NAAA: variants seen among roughly 807,000 people sequenced by gnomAD.
The protein encoded by NAAA is N-acylethanolamine-hydrolyzing acid amidase.
A neutral mutation model predicts 44.8 loss-of-function variants in NAAA; 39 were observed. That is an observed-to-expected ratio of 0.87 (90% confidence interval 0.67 to 1.14). The LOEUF is 1.14. NAAA is among the 50% of genes most tolerant of loss of function. The pLI, the probability that NAAA is intolerant of heterozygous loss-of-function variation, is 0.00. For missense variants in NAAA, 460 were observed against 467.8 expected (o/e 0.98, Z 0.15); for synonymous variants, 178 against 191.3 (o/e 0.93, Z 0.58).
chr4:75,939,801 C>G, intron 2 of NAAA, 200 bp downstream of exon 2: 1 of 593,676 alleles, frequency 1.7e-6, no homozygotes, highest in Non-Finnish European at 3.0e-6. Context: ...AGTGTTGAAT[C>G]GGAGAATCTG....
At chr4:75,921,185 T>C (rs1376100442) in intron 5 of NAAA, 62 bp from the exon 6 acceptor site, 9 of 1,456,384 alleles carry the variant, frequency 6.2e-6, no homozygotes, top group Non-Finnish European at 7.4e-6. Flanking sequence ...CACCAGATGA[T>C]GCAAAAATGA....
At chr4:75,937,945 T>TG (rs1372592663) in intron 2 of NAAA, among the ~76,000 whole-genome samples, 1 of 152,216 alleles carries the variant, frequency 6.6e-6, no homozygotes, top group East Asian at 1.9e-4. Context: ...GCCCAAATGT[T>TG]GTAGTGTGAT....
intron 2 of NAAA, among the ~76,000 whole-genome samples, chr4:75,939,352 A>G (rs1359892179): frequency 6.6e-6 from 1 of 152,056 alleles, no homozygotes; most frequent in Non-Finnish European, 1.5e-5. Context: ...AGTTAACTAA[A>G]GGGTCCAGAT....
intron 2 of NAAA, 123 bp downstream of exon 2, chr4:75,939,878 A>T: frequency 9.1e-7 from 1 of 1,104,300 alleles, no homozygotes; most frequent in Non-Finnish European, 1.3e-6. Flanking sequence ...GAAGCGCTGG[A>T]GGTTTCTAGG....
rs746288094 is a variant in NAAA, at chr4:75,919,979, T to G, written c.903-4A>C. ...AAGGGCCTTGATGGCAGATGTTCTG[T>G]AAGGACAAAGGTCGAAGGTCACTTG... On this transcript the variant is annotated splice_region_variant and splice_polypyrimidine_tract_variant and intron_variant, in intron 7 of 10. Coordinates refer to ENST00000286733, the MANE Select transcript of NAAA (RefSeq NM_014435.4). The G allele has an allele frequency of 6.2e-7, 1 of 1,613,556 alleles. No individual in the cohort carries two copies. Among genetic ancestry groups the G allele is most frequent in the South Asian group, 1.1e-5 (1 of 91,028 alleles).
chr4:75,928,851 G>A (rs535588964), intron 4 of NAAA, among the ~76,000 whole-genome samples: 5 of 150,752 alleles, frequency 3.3e-5, no homozygotes, highest in South Asian at 2.1e-4. Flanking sequence ...GCAGTGGCGC[G>A]ATCTCGGCTC....
intron 4 of NAAA, among the ~76,000 whole-genome samples, chr4:75,930,986 T>C (rs905844848): frequency 3.6e-4 from 55 of 152,036 alleles, no homozygotes; most frequent in Middle Eastern, 3.2e-3. Context: ...CCACCCCACC[T>C]CCTCCTTCAC....
chr4:75,915,624 G>A (rs2149241101), intron 9 of NAAA, among the ~76,000 whole-genome samples: 1 of 152,228 alleles, frequency 6.6e-6, no homozygotes, highest in African/African-American at 2.4e-5. Flanking sequence ...AGAATTACAG[G>A]GTCCTGGGTA....
chr4:75,930,673 C>T lies in NAAA; in HGVS notation c.589+541G>A, dbSNP rs910103452. On this transcript the variant is annotated intron_variant, in intron 4 of 10. Coordinates refer to ENST00000286733, the MANE Select transcript of NAAA (RefSeq NM_014435.4). Reference sequence around the variant, plus strand: ...TAATAGTTAAAAATATAAATCACATCTGTTCACTCCCTGGCCTACAATCCC... The same window carrying T: ...TAATAGTTAAAAATATAAATCACATTTGTTCACTCCCTGGCCTACAATCCC... Among the ~76,000 whole-genome samples, 15 of 152,184 alleles carry T rather than the reference C, an allele frequency of 9.9e-5. 1 individual carries two copies. Among genetic ancestry groups the T allele is most frequent in the African/African-American group, 3.6e-4 (15 of 41,454 alleles).
intron 4 of NAAA, among the ~76,000 whole-genome samples, chr4:75,929,315 A>AC (rs1727025742): frequency 6.6e-6 from 1 of 151,690 alleles, no homozygotes; most frequent in Non-Finnish European, 1.5e-5. Flanking sequence ...CATTGCTGGC[A>AC]CCCCCCATAA....
In NAAA at chr4:75,933,076, C is replaced by T. The variant is rs188964947; in HGVS notation, c.499-1772G>A. Among the ~76,000 whole-genome samples, 104 of 145,722 alleles carry T rather than the reference C, an allele frequency of 7.1e-4. 1 individual carries two copies. Among genetic ancestry groups the T allele is most frequent in the African/African-American group, 2.5e-3 (99 of 39,398 alleles). ...CTTGAACCCAGGAGGTAGAGGTTGC[C>T]GTGAGCCAAGATTGCACCATTGCAC... On this transcript the variant is annotated intron_variant, in intron 3 of 10. Coordinates refer to ENST00000286733, the MANE Select transcript of NAAA (RefSeq NM_014435.4).
rs1578043542 is a variant in NAAA, at chr4:75,919,990, G to A, written c.903-15C>T. The A allele has an allele frequency of 1.9e-6, 3 of 1,611,726 alleles. No individual in the cohort carries two copies. The highest frequency in any genetic ancestry group is 1.1e-5 in the South Asian group (1 of 90,970). On this transcript the variant is annotated splice_polypyrimidine_tract_variant and intron_variant, in intron 7 of 10. Coordinates refer to ENST00000286733, the MANE Select transcript of NAAA (RefSeq NM_014435.4). ...TGGCAGATGTTCTGTAAGGACAAAGGTCGAAGGTCACTTGGCATTTCAACA... is the reference window on the plus strand; with the variant it reads ...TGGCAGATGTTCTGTAAGGACAAAGATCGAAGGTCACTTGGCATTTCAACA...
intron 4 of NAAA, among the ~76,000 whole-genome samples, chr4:75,927,633 G>GGCC (rs1726832277): frequency 1.0e-5 from 1 of 95,820 alleles, no homozygotes; most frequent in Non-Finnish European, 1.9e-5. Flanking sequence ...AATTTTTAAT[G>GGCC]CCCCCCCCCC....
chr4:75,937,438 A>C (rs980497873), intron 2 of NAAA, among the ~76,000 whole-genome samples: 1 of 152,144 alleles, frequency 6.6e-6, no homozygotes, highest in Non-Finnish European at 1.5e-5. Context: ...TAAATAAAAT[A>C]AAATAAAGAC....
intron 8 of NAAA, among the ~76,000 whole-genome samples, chr4:75,919,189 A>T (rs940434073): frequency 6.6e-5 from 10 of 151,868 alleles, no homozygotes; most frequent in Non-Finnish European, 1.3e-4. Flanking sequence ...TTATAGGCAC[A>T]CACCACCAAG....
intron 2 of NAAA, among the ~76,000 whole-genome samples, chr4:75,937,351 G>A (rs889513294): frequency 1.3e-4 from 20 of 152,302 alleles, no homozygotes; most frequent in African/African-American, 4.3e-4. Context: ...CCAGGGAGGC[G>A]GAGGTTGCGA....
chr4:75,928,120 C>T (rs980813389), intron 4 of NAAA, among the ~76,000 whole-genome samples: 1 of 152,154 alleles, frequency 6.6e-6, no homozygotes, highest in Non-Finnish European at 1.5e-5. Flanking sequence ...AAACTTTGTA[C>T]CCTTTGACCA....
chr4:75,941,004 G>A lies in NAAA; in HGVS notation c.-55C>T, dbSNP rs1362817878. On this transcript the variant is annotated 5_prime_UTR_variant, in exon 1 of 11. Coordinates refer to ENST00000286733, the MANE Select transcript of NAAA (RefSeq NM_014435.4). ...GACCTGCAGCCGCTGTCGGAGCCCG[G>A]GTAAGCCGTGGAGGAGGAGGAGCTG... is the stretch of plus-strand genomic sequence containing the variant. 3.5e-6 allele frequency: 5 copies of A among 1,415,354 alleles called. No individual in the cohort carries two copies. The highest frequency in any genetic ancestry group is 4.6e-6 in the Non-Finnish European group (5 of 1,092,536). The allele number at this position is 1,415,354 out of a possible 1,614,324, so 87.7% of individuals were successfully genotyped here.
rs763798619 is a variant in NAAA at position 75,931,206 on chromosome 4, T to C, written c.589+8A>G. On this transcript the variant is annotated splice_region_variant and intron_variant, in intron 4 of 10. Transcript: ENST00000286733. ...AGCTAAAATTACACAGGGGTTTGTT[T>C]TGATTACCTCGTTCATCACCAGAAA... 1.9e-6 allele frequency: 3 copies of C among 1,610,246 alleles called. No individual in the cohort carries two copies. Among genetic ancestry groups the C allele is most frequent in the South Asian group, 2.2e-5 (2 of 90,858 alleles).
Sources: gnomAD v4.1 joint callset for allele counts (sites outside exome capture counted in the v4.1 genomes callset) on GRCh38, gnomAD v4.1.1 for gene constraint, MANE v1.5 for transcripts, NCBI Gene and HGNC (gene_info 2026-07-23, HGNC 2026-07-21) for gene names.